Variants in DNAJA1 observed in about 807,000 individuals in gnomAD.
DNAJA1 encodes the protein DnaJ heat shock protein family (Hsp40) member A1.
In DNAJA1, 26 loss-of-function variants were observed where a neutral mutation model predicts 47.6. The observed-to-expected ratio is 0.55, with a 90% CI of 0.40 to 0.76. The LOEUF is 0.76. Ranked by LOEUF, DNAJA1 falls within the 30% of genes least tolerant of loss-of-function variation. DNAJA1 has a pLI of 0.00. For synonymous variants in DNAJA1, 165 were observed against 158.4 expected (o/e 1.04, Z -0.31); for missense variants, 315 against 485.0 (o/e 0.65, Z 3.29).
intron 8 of DNAJA1, 182 bp downstream of exon 8, chr9:33,037,297 A>C: frequency 2.4e-6 from 1 of 409,880 alleles, no homozygotes; most frequent in South Asian, 6.0e-5. Context: ...ACATAGTGAA[A>C]CCCTGTCTCT....
At position 33,027,092 on chromosome 9, in the gene DNAJA1, A is replaced by G. The variant is rs1487738445; in HGVS notation, c.310+102A>G. 1.1e-5 allele frequency: 15 copies of G among 1,401,146 alleles called. No individual in the cohort carries two copies. The Admixed American group carries it at 3.1e-4, about 29-fold the overall frequency. 86.8% of individuals were successfully genotyped at this position (1,401,146 alleles called of 1,614,324 possible). On this transcript the variant is annotated intron_variant, in intron 3 of 8. Transcript: ENST00000330899. Reference sequence around the variant, plus strand: ...TTTAAATGCTTGTTTACATGTTGGTATAATGTTGCAAACTGACCACAAATT... The same window carrying G: ...TTTAAATGCTTGTTTACATGTTGGTGTAATGTTGCAAACTGACCACAAATT...
chr9:33,033,438 G>A (rs1372469676), intron 5 of DNAJA1, among the ~76,000 whole-genome samples: 1 of 151,958 alleles, frequency 6.6e-6, no homozygotes, highest in South Asian at 2.1e-4. Context: ...CAGGGGCTCA[G>A]GTCTGTAATC....
rs767592010 is a variant in DNAJA1 at position 33,034,207 on chromosome 9, TG to T, written c.644-8del. On this transcript the variant is annotated splice_region_variant and splice_polypyrimidine_tract_variant and intron_variant, in intron 5 of 8. Transcript: ENST00000330899. ...TAATAAAAGTACAAAATTAATGTTT[TG>T]TTTTTAGGCATGAAAGATGGCCAGA... 6.4e-7 allele frequency: 1 copy of T among 1,561,456 alleles called. No individual in the cohort carries two copies. Among genetic ancestry groups the T allele is most frequent in the Non-Finnish European group, 8.6e-7 (1 of 1,156,264 alleles).
chr9:33,030,689 C>CT (rs1564012932), intron 5 of DNAJA1, 22 bp downstream of exon 5: 2 of 1,583,332 alleles, frequency 1.3e-6, no homozygotes, highest in Admixed American at 1.8e-5. Context: ...GTTACTTATT[C>CT]TGAAGTCTTG....
At position 33,039,005 on chromosome 9, in the gene DNAJA1, TTA is replaced by T. The variant is rs1337735657; in HGVS notation, c.*103_*104del. 4.4e-6 allele frequency: 5 copies of T among 1,137,838 alleles called. No individual in the cohort carries two copies. In the East Asian group the frequency reaches 1.0e-4, roughly 23 times the overall value. 70.5% of individuals were successfully genotyped at this position (1,137,838 alleles called of 1,614,324 possible). On this transcript the variant is annotated 3_prime_UTR_variant, in exon 9 of 9. Transcript: ENST00000330899. ...CTCACTACTTGCTCTTGTTTTTGTT[TTA>T]ATAAACTATAGTAGTGTTTTAAAAA...
chr9:33,033,752 C>T (rs1189009744), intron 5 of DNAJA1, among the ~76,000 whole-genome samples: 1 of 152,026 alleles, frequency 6.6e-6, no homozygotes, highest in African/African-American at 2.4e-5. Context: ...ATAGAAGGGT[C>T]TTGATTTACA....
At position 33,029,920 on chromosome 9, in the gene DNAJA1, G is replaced by A. The variant is rs991549582; in HGVS notation, c.346G>A (p.Glu116Lys). 1 of 1,612,394 alleles carries A rather than the reference G, an allele frequency of 6.2e-7. No individual in the cohort carries two copies. Among genetic ancestry groups the A allele is most frequent in the African/African-American group, 1.3e-5 (1 of 74,858 alleles). Residue 116 changes from glutamate to lysine, a missense_variant, in exon 4 of 9, where the codon GAA becomes AAA. This residue lies in a region of DNAJA1 where 100 missense variants were observed against 163.0 expected (regional missense o/e 0.61). Coordinates refer to ENST00000330899, the MANE Select transcript of DNAJA1 (RefSeq NM_001539.4). ...NVVHQLSVTL[E>K]DLYNGATRKL... is the part of the protein sequence containing the mutation. ...TGTACATCAGCTCTCAGTAACCCTA[G>A]AAGACTTATATAATGGTGCAACAAG... is the stretch of plus-strand genomic sequence containing the variant.
At chr9:33,038,660 T>A in intron 8 of DNAJA1, 25 bp from the exon 9 acceptor site, 1 of 1,605,442 alleles carries the variant, frequency 6.2e-7, no homozygotes, top group South Asian at 1.1e-5. Flanking sequence ...GAAATCAGAT[T>A]GAACAGTGAA....
intron 8 of DNAJA1, among the ~76,000 whole-genome samples, chr9:33,037,612 G>A (rs993325188): frequency 3.9e-5 from 6 of 152,172 alleles, no homozygotes; most frequent in Admixed American, 3.3e-4. Flanking sequence ...AGCCTAGGTG[G>A]TCAAGGCTGC....
At chr9:33,030,061 A>C in intron 4 of DNAJA1, 72 bp downstream of exon 4, 1 of 1,385,320 alleles carries the variant, frequency 7.2e-7, no homozygotes, top group Non-Finnish European at 1.0e-6. Context: ...AATGGAGCTA[A>C]GACTTCTAGA....
intron 3 of DNAJA1, among the ~76,000 whole-genome samples, chr9:33,028,078 C>G (rs1404358085): frequency 6.7e-6 from 1 of 149,646 alleles, no homozygotes; most frequent in Admixed American, 6.7e-5. Context: ...TATAATTTTC[C>G]AAGCCCTTTT....
At chr9:33,028,507 TCA>T (rs1838909856) in intron 3 of DNAJA1, among the ~76,000 whole-genome samples, 1 of 152,214 alleles carries the variant, frequency 6.6e-6, no homozygotes, top group African/African-American at 2.4e-5. Context: ...AATTGTTTAT[TCA>T]GTTTTTCTTT....
rs1209756023 is a variant in DNAJA1 at position 33,039,907 on chromosome 9, A to G, written c.*1004A>G. The G allele has an allele frequency of 5.9e-5, 9 of 152,160 alleles. No homozygotes were observed. The highest frequency in any genetic ancestry group is 5.2e-4 in the Admixed American group (8 of 15,262). The allele number at this position is 152,160 out of a possible 1,614,324, so 9.4% of individuals were successfully genotyped here. A position where few individuals can be genotyped will look rare whatever the true frequency, so the allele number is the denominator to read the frequency against. ...ATATACTAATTACAAAGCATCTCCA[A>G]TGTGTGTCACTACAGGCTTTTTTTT... On this transcript the variant is annotated 3_prime_UTR_variant, in exon 9 of 9. Transcript: ENST00000330899.
At position 33,026,602 on chromosome 9, in the gene DNAJA1, A is replaced by G. The variant is rs1838860326; in HGVS notation, c.118A>G (p.Asn40Asp). The G allele has an allele frequency of 1.2e-6, 2 of 1,604,634 alleles. No homozygotes were observed. Among genetic ancestry groups the G allele is most frequent in the Non-Finnish European group, 1.7e-6 (2 of 1,177,854 alleles). The change falls in exon 2 of 9, where the codon AAT (asparagine) becomes GAT (aspartate). Residue 40 changes from asparagine (N) to aspartate (D), a missense_variant. Asn to Asp is a conservative substitution (Grantham distance 23, BLOSUM62 1). This residue lies in a region of DNAJA1 where 100 missense variants were observed against 163.0 expected (regional missense o/e 0.61). Coordinates refer to ENST00000330899, the MANE Select transcript of DNAJA1 (RefSeq NM_001539.4). ...ALKYHPDKNP[N>D]EGEKFKQISQ... is the part of the protein sequence containing the mutation. Reference sequence around the variant, plus strand: ...GAAGTACCATCCTGATAAGAACCCAAATGAAGGAGAGAAGGTGAATAGTAT... The same window carrying G: ...GAAGTACCATCCTGATAAGAACCCAGATGAAGGAGAGAAGGTGAATAGTAT...
intron 6 of DNAJA1, 101 bp downstream of exon 6, chr9:33,034,431 T>C: frequency 2.5e-6 from 2 of 788,722 alleles, no homozygotes; most frequent in Non-Finnish European, 4.1e-6. Context: ...CCATTACTCT[T>C]AGAACCTATT....
At chr9:33,037,591 A>G (rs1478961728) in intron 8 of DNAJA1, among the ~76,000 whole-genome samples, 1 of 152,168 alleles carries the variant, frequency 6.6e-6, no homozygotes, top group Non-Finnish European at 1.5e-5. Context: ...CTGAGGTGGG[A>G]GGATTGCTTG....
chr9:33,031,585 C>G (rs1345157548), intron 5 of DNAJA1, among the ~76,000 whole-genome samples: 1 of 152,028 alleles, frequency 6.6e-6, no homozygotes, highest in Non-Finnish European at 1.5e-5. Context: ...GTGTGCACCA[C>G]CACACCTGGC....
chr9:33,027,029 A>T (rs757722170), intron 3 of DNAJA1, 39 bp downstream of exon 3: 1 of 1,612,362 alleles, frequency 6.2e-7, no homozygotes, highest in Non-Finnish European at 8.5e-7. Context: ...AACTAAAGTT[A>T]GCTGTTGGTC....
chr9:33,029,873 A>G lies in DNAJA1; in HGVS notation c.311-12A>G, dbSNP rs768789351. The G allele has an allele frequency of 6.3e-7, 1 of 1,592,386 alleles. No individual in the cohort carries two copies. The highest frequency in any genetic ancestry group is 2.2e-5 in the East Asian group (1 of 44,670). On this transcript the variant is annotated splice_polypyrimidine_tract_variant and intron_variant, in intron 3 of 8. Coordinates refer to ENST00000330899, the MANE Select transcript of DNAJA1 (RefSeq NM_001539.4). ...CTTAAACAGATTTGCAATGAGAAAT[A>G]TTTTGTTTTAGGTAAAAATGTTGTA...
Sources: allele counts gnomAD v4.1 joint callset (sites outside exome capture counted in the v4.1 genomes callset), GRCh38; gene constraint gnomAD v4.1.1; regional missense constraint gnomAD v4.1.1; transcripts MANE v1.5; gene names NCBI Gene and HGNC (gene_info 2026-07-23, HGNC 2026-07-21).